Variants in PCDH11X observed in about 807,000 individuals in gnomAD.
PCDH11X encodes the protein protocadherin-11 X-linked.
PCDH11X carries 18 observed loss-of-function variants against 53.3 expected under a neutral mutation model. That is an observed-to-expected ratio of 0.34 (90% CI 0.23 to 0.50). PCDH11X has a LOEUF of 0.50. Ranked by LOEUF, PCDH11X falls within the 20% of genes least tolerant of loss-of-function variation. The pLI is 0.98. For synonymous variants in PCDH11X, 279 were observed against 393.3 expected (o/e 0.71, Z 3.44); for missense variants, 570 against 1,032.4 (o/e 0.55, Z 6.14).
chrX:92,436,973 TAAAA>T (rs71815223), intron 9 of PCDH11X, among the ~76,000 whole-genome samples: 4 of 84,622 alleles, frequency 4.7e-5, no homozygotes, highest in Admixed American at 1.3e-4. Context: ...AAATAAAAGG[TAAAA>T]AAAAAAAAAA....
intron 6 of PCDH11X, among the ~76,000 whole-genome samples, chrX:92,105,066 T>C (rs1156418240): frequency 1.8e-5 from 2 of 111,342 alleles, no homozygotes; most frequent in African/African-American, 6.5e-5. Flanking sequence ...CAGAGAGGTG[T>C]CCCTGAAATG....
chrX:92,618,200 A>C (rs1928197376), intron 10 of PCDH11X, 64 bp from the exon 11 acceptor site: 1 of 1,151,187 alleles, frequency 8.7e-7, no homozygotes, highest in Admixed American at 2.6e-5. Context: ...AATGATATTT[A>C]AGTGGCTAAT....
intron 9 of PCDH11X, among the ~76,000 whole-genome samples, chrX:92,444,179 A>G (rs1253549987): frequency 9.3e-6 from 1 of 107,729 alleles, no homozygotes; most frequent in Non-Finnish European, 1.9e-5. Context: ...ACGTTTTTCC[A>G]TGTGTTTTTG....
At chrX:91,981,025 TATATATATATACACTGA>T (rs1185066653) in intron 6 of PCDH11X, among the ~76,000 whole-genome samples, 3 of 101,816 alleles carry the variant, frequency 2.9e-5, no homozygotes, top group African/African-American at 7.1e-5. Flanking sequence ...ACACTGAATA[TATATATATATACACTGA>T]ATATATATAT....
intron 10 of PCDH11X, among the ~76,000 whole-genome samples, chrX:92,598,624 C>G (rs1196352120): frequency 1.1e-4 from 10 of 93,225 alleles, no homozygotes; most frequent in African/African-American, 4.4e-4. Context: ...AGTACAACCA[C>G]TATAGAGAAC....
At chrX:92,179,185 A>T (rs1399192648) in intron 6 of PCDH11X, among the ~76,000 whole-genome samples, 2 of 112,278 alleles carry the variant, frequency 1.8e-5, no homozygotes, top group Non-Finnish European at 3.8e-5. Flanking sequence ...ACAAAAGCTG[A>T]CTATTTCGAT....
At chrX:92,297,690 TGTTA>T (rs2068636544) in intron 8 of PCDH11X, among the ~76,000 whole-genome samples, 1 of 111,955 alleles carries the variant, frequency 8.9e-6, no homozygotes, top group Non-Finnish European at 1.9e-5. Context: ...GGAATGTCTT[TGTTA>T]GTTTGATGGA....
intron 8 of PCDH11X, among the ~76,000 whole-genome samples, chrX:92,317,627 T>C (rs2069108824): frequency 9.0e-6 from 1 of 111,587 alleles, no homozygotes; most frequent in South Asian, 3.7e-4. Context: ...TGAACCAAGA[T>C]TTAAAATTCA....
chrX:92,504,057 A>C (rs1269835271), intron 10 of PCDH11X, among the ~76,000 whole-genome samples: 2 of 86,602 alleles, frequency 2.3e-5, no homozygotes, highest in African/African-American at 8.1e-5. Context: ...AAAAAAAAAA[A>C]AGACTTCTTA....
At chrX:92,125,816 A>C (rs2064850792) in intron 6 of PCDH11X, among the ~76,000 whole-genome samples, 1 of 109,097 alleles carries the variant, frequency 9.2e-6, no homozygotes, top group Admixed American at 1.0e-4. Context: ...ACCCCCCTAC[A>C]TTTGCTAGTC....
chrX:92,607,754 A>G (rs61602519), intron 10 of PCDH11X, among the ~76,000 whole-genome samples: 2,135 of 111,755 alleles, frequency 0.019, 28 homozygotes, highest in Middle Eastern at 0.093. Flanking sequence ...TTTTTGTGAA[A>G]TTTCAGGCTG....
At chrX:91,876,725 T>C in intron 5 of PCDH11X, 56 bp from the exon 6 acceptor site, 1 of 958,387 alleles carries the variant, frequency 1.0e-6, no homozygotes, top group Non-Finnish European at 1.3e-6. Flanking sequence ...ATATTAATAT[T>C]AATATATTAA....
In PCDH11X at chrX:91,878,057, C is replaced by T. The variant is rs771338985; in HGVS notation, c.1817C>T (p.Thr606Met). 50 of 1,204,808 alleles carry T rather than the reference C, an allele frequency of 4.2e-5. No homozygotes were observed. The highest frequency in any genetic ancestry group is 3.8e-4 in the Admixed American group (17 of 45,254). The change falls in exon 6 of 11, where the codon ACG becomes ATG. Residue 606 changes from threonine (T) to methionine (M), a missense_variant. Thr to Met is a moderately conservative substitution (Grantham distance 81, BLOSUM62 -1). This residue lies in a region of PCDH11X where 226 missense variants were observed against 457.5 expected (regional missense o/e 0.49). Transcript: ENST00000682573. ...DPDYGDNSAV[T>M]LSILDENDDF... is the part of the protein sequence containing the mutation. ...GATTATGGAGACAATTCTGCAGTTA[C>T]GCTCTCCATTTTAGATGAGAATGAT... is the stretch of plus-strand genomic sequence containing the variant.
At chrX:91,840,504 C>T (rs1937488984) in intron 5 of PCDH11X, among the ~76,000 whole-genome samples, 3 of 111,474 alleles carry the variant, frequency 2.7e-5, no homozygotes, top group Admixed American at 9.6e-5. Context: ...TGTTTGGGCC[C>T]TTGTTTCTAT....
chrX:92,217,335 T>C (rs1482690489), intron 7 of PCDH11X, among the ~76,000 whole-genome samples: 1 of 106,531 alleles, frequency 9.4e-6, no homozygotes, highest in Non-Finnish European at 1.9e-5. Flanking sequence ...ACACATAGGC[T>C]CAAAATAAAA....
chrX:91,782,882 C>A (rs1474674455), intron 1 of PCDH11X, among the ~76,000 whole-genome samples: 2 of 111,476 alleles, frequency 1.8e-5, no homozygotes, highest in South Asian at 7.6e-4. Context: ...TGATTGCGGA[C>A]AATTCCTTCT....
chrX:91,849,692 T>C (rs1431953020), intron 5 of PCDH11X, among the ~76,000 whole-genome samples: 121 of 110,747 alleles, frequency 1.1e-3, no homozygotes, highest in Non-Finnish European at 1.9e-3. Context: ...TTTGAGGTAT[T>C]GTGATTTTAT....
At chrX:92,256,513 C>A (rs2067590783) in intron 7 of PCDH11X, among the ~76,000 whole-genome samples, 1 of 111,801 alleles carries the variant, frequency 8.9e-6, no homozygotes. Flanking sequence ...TGGTATAAAT[C>A]CCACTTGGTG....
In PCDH11X at chrX:92,451,251, C is replaced by T. The variant is rs533966521; in HGVS notation, c.3344-17048C>T. ...TATGAATTTTTGAATGAAACAAGTA[C>T]ATTTGCATAATTTTTTTAAATAGTT... On this transcript the variant is annotated intron_variant, in intron 9 of 10. Transcript: ENST00000682573. 3.4e-4 allele frequency among the ~76,000 whole-genome samples: 38 copies of T among 111,487 alleles called. No individual in the cohort carries two copies. The South Asian group carries it at 0.014, about 42-fold the overall frequency.
Sources: gnomAD v4.1 joint callset for allele counts (sites outside exome capture counted in the v4.1 genomes callset) on GRCh38, gnomAD v4.1.1 for gene constraint, gnomAD v4.1.1 regional missense constraint, MANE v1.5 for transcripts, NCBI Gene and HGNC (gene_info 2026-07-23, HGNC 2026-07-21) for gene names.